The following GPC6 variants were observed in gnomAD, a reference collection of about 807,000 sequenced individuals.
The protein encoded by GPC6 is glypican 6.
Under a neutral mutation model 55.2 loss-of-function variants are expected in GPC6, and 14 were observed. The observed-to-expected ratio is 0.25, with a 90% CI of 0.17 to 0.40. The LOEUF (loss-of-function observed/expected upper bound fraction) is 0.40, where lower values mean the gene tolerates loss of function less well. Among genes scored for constraint, GPC6 ranks in the 10% least tolerant of loss-of-function variants. The pLI, the probability that GPC6 is intolerant of heterozygous loss-of-function variation, is 1.00. For synonymous variants in GPC6, 278 were observed against 259.6 expected (o/e 1.07, Z -0.68); for missense variants, 641 against 708.5 (o/e 0.90, Z 1.08).
intron 3 of GPC6, among the ~76,000 whole-genome samples, chr13:93,940,935 G>T (rs1024012975): frequency 3.9e-5 from 6 of 152,148 alleles, no homozygotes; most frequent in Non-Finnish European, 7.4e-5. Flanking sequence ...AATGATAGCT[G>T]TACATTCTCC....
rs924319762 is a variant in GPC6, at chr13:93,309,983, G to A, written c.160+82367G>A. Among the ~76,000 whole-genome samples, 4 of 152,156 alleles carry A rather than the reference G, an allele frequency of 2.6e-5. No homozygotes were observed. The South Asian group carries it at 6.2e-4, about 24-fold the overall frequency. On this transcript the variant is annotated intron_variant, in intron 1 of 8. Coordinates refer to ENST00000377047, the MANE Select transcript of GPC6 (RefSeq NM_005708.5). ...GCCATCACAAAGCATTTTGTAAGAA[G>A]GGTTGTTTGTGAATGAACTAGTTGT... is the stretch of plus-strand genomic sequence containing the variant.
intron 3 of GPC6, among the ~76,000 whole-genome samples, chr13:93,913,692 G>A (rs1035337834): frequency 9.9e-5 from 15 of 151,824 alleles, no homozygotes; most frequent in Admixed American, 7.2e-4. Flanking sequence ...TTCTTTCATC[G>A]TTTTTTTGGA....
intron 1 of GPC6, among the ~76,000 whole-genome samples, chr13:93,249,269 C>T (rs1174575347): frequency 1.3e-5 from 2 of 152,128 alleles, no homozygotes; most frequent in Non-Finnish European, 2.9e-5. Context: ...ATTAATGGAA[C>T]CCTGTGAAAC....
At chr13:93,691,442 A>G (rs1056669740) in intron 2 of GPC6, among the ~76,000 whole-genome samples, 3 of 149,550 alleles carry the variant, frequency 2.0e-5, no homozygotes, top group African/African-American at 7.3e-5. Flanking sequence ...ATGAAAGGAA[A>G]ATTTGGCTTC....
Position 94,169,892 on chromosome 13 carries a change from G to GA in GPC6, c.878-116449dup, listed in dbSNP as rs372795498. Among the ~76,000 whole-genome samples the GA allele has an allele frequency of 6.5e-3, 983 of 151,808 alleles. 9 individuals are homozygous for GA. The highest frequency in any genetic ancestry group is 0.022 in the African/African-American group (914 of 41,414). On this transcript the variant is annotated intron_variant, in intron 4 of 8. Coordinates refer to ENST00000377047, the MANE Select transcript of GPC6 (RefSeq NM_005708.5). ...CTATTTTCTCAGTTCCAGAGAAAAT[G>GA]AAAAAAAATGAACTTTTGCTTTAGA...
chr13:94,335,712 G>C (rs928447167), intron 6 of GPC6, among the ~76,000 whole-genome samples: 1 of 152,174 alleles, frequency 6.6e-6, no homozygotes, highest in Non-Finnish European at 1.5e-5. Context: ...TTATATGTGT[G>C]TGGATTTGAA....
At chr13:93,600,525 A>G (rs1020369321) in intron 2 of GPC6, among the ~76,000 whole-genome samples, 3 of 152,224 alleles carry the variant, frequency 2.0e-5, no homozygotes, top group Admixed American at 6.5e-5. Flanking sequence ...GAAAAAAGTT[A>G]CAAAGGATAA....
intron 2 of GPC6, among the ~76,000 whole-genome samples, chr13:93,719,642 G>A (rs143667447): frequency 0.14 from 21,884 of 151,998 alleles, 2,759 homozygotes; most frequent in South Asian, 0.32. Context: ...TGGTGAGAGA[G>A]GGCATTTTTG....
At chr13:94,253,922 T>G (rs1891430703) in intron 4 of GPC6, among the ~76,000 whole-genome samples, 1 of 152,170 alleles carries the variant, frequency 6.6e-6, no homozygotes, top group Non-Finnish European at 1.5e-5. Context: ...GGTCATTAAT[T>G]TGCACATTAG....
At chr13:93,380,293 G>A (rs1443550561) in intron 1 of GPC6, among the ~76,000 whole-genome samples, 1 of 152,134 alleles carries the variant, frequency 6.6e-6, no homozygotes, top group Non-Finnish European at 1.5e-5. Context: ...TATAAATTTT[G>A]CAGCCACTTA....
At chr13:94,302,978 C>G (rs1484541225) in intron 5 of GPC6, among the ~76,000 whole-genome samples, 1 of 152,240 alleles carries the variant, frequency 6.6e-6, no homozygotes, top group Non-Finnish European at 1.5e-5. Flanking sequence ...AAGCCTTTAG[C>G]CCCATCTGGA....
At chr13:93,707,516 T>C (rs990939685) in intron 2 of GPC6, among the ~76,000 whole-genome samples, 5 of 151,732 alleles carry the variant, frequency 3.3e-5, no homozygotes, top group Non-Finnish European at 5.9e-5. Flanking sequence ...AAAACAATGT[T>C]TCTACCTCTT....
intron 2 of GPC6, among the ~76,000 whole-genome samples, chr13:93,656,191 A>G (rs1880656468): frequency 6.6e-6 from 1 of 152,186 alleles, no homozygotes; most frequent in South Asian, 2.1e-4. Context: ...ATTTTGAAAT[A>G]ATTGTGAAGA....
chr13:93,324,587 CATATAT>C lies in GPC6; in HGVS notation c.160+96991_160+96996del, dbSNP rs34871661. On this transcript the variant is annotated intron_variant, in intron 1 of 8. Transcript: ENST00000377047. The stretch of plus-strand genomic sequence containing the variant: ...ATATATATATACACACACATACATA[CATATAT>C]ATATATATATATATATATAAAATCT... Among the ~76,000 whole-genome samples the C allele has an allele frequency of 1.4e-3, 166 of 122,812 alleles. 1 individual carries two copies. The highest frequency in any genetic ancestry group is 3.9e-3 in the African/African-American group (138 of 35,154). 80.6% of individuals were successfully genotyped at this position (122,812 alleles called of 152,430 possible).
intron 4 of GPC6, among the ~76,000 whole-genome samples, chr13:94,133,482 A>G (rs184550969): frequency 1.3e-5 from 2 of 152,294 alleles, no homozygotes; most frequent in Admixed American, 1.3e-4. Flanking sequence ...TATATTATAC[A>G]AGATATCTTG....
intron 4 of GPC6, among the ~76,000 whole-genome samples, chr13:94,179,281 T>C (rs374311070): frequency 6.6e-6 from 1 of 152,248 alleles, no homozygotes; most frequent in South Asian, 2.1e-4. Context: ...TGCATTTGTC[T>C]GTACACCATC....
rs74330037 is a variant in GPC6, at chr13:93,911,286, G to A, written c.711+80741G>A. On this transcript the variant is annotated intron_variant, in intron 3 of 8. Coordinates refer to ENST00000377047, the MANE Select transcript of GPC6 (RefSeq NM_005708.5). ...GTATCTGCCAGACCTAACAAGGACC[G>A]ACAAGAGATAGCTATACCTTAAGAA... Among the ~76,000 whole-genome samples, 1,106 of 152,152 alleles carry A rather than the reference G, an allele frequency of 7.3e-3. 14 individuals are homozygous for A. The highest frequency in any genetic ancestry group is 0.025 in the African/African-American group (1,033 of 41,490).
intron 6 of GPC6, among the ~76,000 whole-genome samples, chr13:94,371,589 C>A (rs1372790469): frequency 1.3e-5 from 2 of 152,170 alleles, no homozygotes; most frequent in African/African-American, 4.8e-5. Flanking sequence ...AGGGCCTCAG[C>A]TCAGTGAAAG....
intron 7 of GPC6, among the ~76,000 whole-genome samples, chr13:94,394,283 G>T (rs944067348): frequency 6.6e-6 from 1 of 152,288 alleles, no homozygotes; most frequent in African/African-American, 2.4e-5. Flanking sequence ...AGGGCAAGCC[G>T]CATTGGCAAA....
Sources: gnomAD v4.1 joint callset for allele counts (sites outside exome capture counted in the v4.1 genomes callset) on GRCh38, gnomAD v4.1.1 for gene constraint, MANE v1.5 for transcripts, NCBI Gene and HGNC (gene_info 2026-07-23, HGNC 2026-07-21) for gene names.